Variants in DNAH17 observed in about 807,000 individuals in gnomAD.
DNAH17 encodes axonemal beta dynein heavy chain 17.
In DNAH17, 376 loss-of-function variants were observed where a neutral mutation model predicts 485.6. The ratio of observed to expected loss-of-function variants is 0.77; its 90% confidence interval spans 0.71 to 0.84. The LOEUF is 0.84. Among genes scored for constraint, DNAH17 ranks in the 40% least tolerant of loss-of-function variants. The pLI, the probability that DNAH17 is intolerant of heterozygous loss-of-function variation, is 0.00. For synonymous variants in DNAH17, 3,031 were observed against 2,405.9 expected (o/e 1.26, Z -7.60); for missense variants, 6,370 against 5,839.3 (o/e 1.09, Z -2.96).
At position 78,575,024 on chromosome 17, in the gene DNAH17, G is replaced by A; in HGVS notation, c.34C>T (p.Leu12=). Residue 12 remains leucine, a synonymous_variant, in exon 2 of 81, where the codon CTG becomes TTG. Transcript: ENST00000389840. The part of the protein sequence containing the change: ...TMAPDVRLEY[L]EEVASIVLKF... The stretch of plus-strand genomic sequence containing the variant: ...AGGACGATGGAGGCAACTTCCTCCA[G>A]ATACTCTAGTCTGACGTCCGGGGCC... 1 of 1,613,880 alleles carries A rather than the reference G, an allele frequency of 6.2e-7. No individual in the cohort carries two copies. Among genetic ancestry groups the A allele is most frequent in the Non-Finnish European group, 8.5e-7 (1 of 1,179,844 alleles).
In DNAH17 at chr17:78,569,464, G is replaced by C. The variant is rs563501310; in HGVS notation, c.1108C>G (p.Leu370Val). Residue 370 changes from leucine (L) to valine (V), a missense_variant, in exon 8 of 81, where the codon CTG becomes GTG. Leu to Val is a conservative substitution (Grantham distance 32). Coordinates refer to ENST00000389840, the MANE Select transcript of DNAH17 (RefSeq NM_173628.4). ...TTTACAGCCAGGGAGATGCCACTCA[G>C]GACTTCCTCGATTTCACCTTGCAGG... The part of the protein sequence containing the change: ...KGLQGEIEEV[L>V]SGISLAVNVL... 1.9e-6 allele frequency: 3 copies of C among 1,611,748 alleles called. No homozygotes were observed. The highest frequency in any genetic ancestry group is 2.2e-5 in the South Asian group (2 of 90,526).
intron 13 of DNAH17, among the ~76,000 whole-genome samples, chr17:78,560,359 A>G (rs2092125637): frequency 6.6e-6 from 1 of 152,134 alleles, no homozygotes; most frequent in Non-Finnish European, 1.5e-5. Flanking sequence ...TCCTCTGCTC[A>G]TCTGAACTTT....
At chr17:78,494,203 G>A in intron 40 of DNAH17, 30 bp from the exon 41 acceptor site, 1 of 1,591,536 alleles carries the variant, frequency 6.3e-7, no homozygotes, top group East Asian at 2.3e-5. Context: ...GCTGGGTGAG[G>A]AACTGAAGCA....
chr17:78,497,819 G>A (rs2146700816), intron 37 of DNAH17, among the ~76,000 whole-genome samples: 1 of 152,332 alleles, frequency 6.6e-6, no homozygotes, highest in East Asian at 1.9e-4. Context: ...TCACTGCCAA[G>A]CCGAGAGTCA....
intron 26 of DNAH17, among the ~76,000 whole-genome samples, chr17:78,513,396 G>T (rs73383687): frequency 0.09 from 13,745 of 152,166 alleles, 804 homozygotes; most frequent in East Asian, 0.21. Flanking sequence ...TCTTGTAGGG[G>T]AAATCTGCAT....
intron 44 of DNAH17, among the ~76,000 whole-genome samples, chr17:78,487,543 T>C (rs191259651): frequency 0.027 from 4,134 of 151,856 alleles, 188 homozygotes; most frequent in African/African-American, 0.094. Flanking sequence ...GACTCATTTT[T>C]TTTCTTCTTC....
At chr17:78,536,365 G>A (rs971667232) in intron 19 of DNAH17, among the ~76,000 whole-genome samples, 37 of 152,242 alleles carry the variant, frequency 2.4e-4, no homozygotes, top group Middle Eastern at 3.4e-3. Context: ...CAGGAGAATC[G>A]CTTGAACCCA....
chr17:78,561,723 G>T lies in DNAH17; in HGVS notation c.1827C>A (p.Val609=), dbSNP rs145822727. ...CCAGGGCTGTGACTCACGGGTGTTC[G>T]ACGTGCTTCAGGTGTTTCATGGACA... ...LEVSMKHLKH[V]EHPVMSGAEA... is the part of the protein sequence containing the mutation. Residue 609 remains valine (V), a synonymous_variant, in exon 12 of 81, where the codon GTC becomes GTA. Coordinates refer to ENST00000389840, the MANE Select transcript of DNAH17 (RefSeq NM_173628.4). The T allele has an allele frequency of 2.5e-6, 4 of 1,606,360 alleles. No homozygotes were observed. The highest frequency in any genetic ancestry group is 1.7e-6 in the Non-Finnish European group (2 of 1,175,402).
At chr17:78,572,612 G>T (rs185363396) in intron 3 of DNAH17, 89 bp downstream of exon 3, 1 of 1,187,764 alleles carries the variant, frequency 8.4e-7, no homozygotes, top group Non-Finnish European at 1.2e-6. Context: ...ACAACGGGTC[G>T]GAGTGGGGTG....
intron 37 of DNAH17, among the ~76,000 whole-genome samples, chr17:78,497,211 G>A (rs371030915): frequency 3.3e-4 from 51 of 152,286 alleles, no homozygotes; most frequent in African/African-American, 9.1e-4. Flanking sequence ...ATCAGGGGCC[G>A]TTGCCTGCTT....
chr17:78,475,427 G>A lies in DNAH17; in HGVS notation c.8362C>T (p.Arg2788Cys), dbSNP rs1445952853. 16 of 1,613,708 alleles carry A rather than the reference G, an allele frequency of 9.9e-6. No individual in the cohort carries two copies. The highest frequency in any genetic ancestry group is 1.3e-5 in the Non-Finnish European group (15 of 1,179,880). Residue 2788 changes from arginine to cysteine, a missense_variant, in exon 54 of 81, where the codon CGC (arginine) becomes TGC (cysteine). Physicochemically the swap from Arg to Cys is radical, Grantham distance 180 (BLOSUM62 -3). Coordinates refer to ENST00000389840, the MANE Select transcript of DNAH17 (RefSeq NM_173628.4). The stretch of plus-strand genomic sequence containing the variant: ...TTCCCCCGGGGAGACTCCAGGATGC[G>A]ATTAATCCTGCAGATGTGAGCCACG... Reference protein sequence around the residue: ...DAVAHICRINRILESPRGNAL... With the variant: ...DAVAHICRINCILESPRGNAL...
rs201499585 is a variant in DNAH17 at position 78,502,992 on chromosome 17, C to T, written c.4976G>A (p.Arg1659Gln). 2.4e-4 allele frequency: 382 copies of T among 1,613,674 alleles called. 1 individual carries two copies. In the African/African-American group the frequency reaches 3.6e-3, roughly 15 times the overall value. The change falls in exon 32 of 81, where the codon CGA becomes CAA. Residue 1659 changes from arginine to glutamine, a missense_variant. By Grantham distance (43) the Arg-to-Gln change is conservative. Transcript: ENST00000389840. ...GGTAGAGCACATTCGGTCCAGCACT[C>T]GATTCAGCCACACTTCCACCTGGGG... ...LSGQVEVWLN[R>Q]VLDRMCSTLR... is the part of the protein sequence containing the mutation.
At chr17:78,522,346 C>A in intron 25 of DNAH17, 1 of 281,900 alleles carries the variant, frequency 3.5e-6, no homozygotes, top group South Asian at 3.5e-5. Context: ...AGTTTCTACT[C>A]CTGAGCAAGA....
At chr17:78,437,592 C>A in intron 74 of DNAH17, 49 bp downstream of exon 74, 1 of 1,491,470 alleles carries the variant, frequency 6.7e-7, no homozygotes, top group South Asian at 1.3e-5. Context: ...GGATGGATGC[C>A]AGGCCGTGGC....
chr17:78,488,613 C>T (rs1309860833), intron 44 of DNAH17, among the ~76,000 whole-genome samples: 1 of 152,106 alleles, frequency 6.6e-6, no homozygotes, highest in Non-Finnish European at 1.5e-5. Flanking sequence ...CTGAAAACTC[C>T]CACACATGGT....
At chr17:78,501,539 T>C in intron 34 of DNAH17, 195 bp from the exon 35 acceptor site, 1 of 966,478 alleles carries the variant, frequency 1.0e-6, no homozygotes. Flanking sequence ...GCACTTCCAA[T>C]GGGCGGGCAC....
chr17:78,440,579 G>A (rs963383064), intron 72 of DNAH17, among the ~76,000 whole-genome samples: 6 of 151,920 alleles, frequency 3.9e-5, no homozygotes, highest in East Asian at 1.9e-4. Flanking sequence ...TTTTTTAATC[G>A]AGGGATACTA....
In DNAH17 at chr17:78,516,220, C is replaced by A. The variant is rs1411163659; in HGVS notation, c.3865-1198G>T. Among the ~76,000 whole-genome samples the A allele has an allele frequency of 2.0e-5, 3 of 152,200 alleles. No homozygotes were observed. The East Asian group carries it at 5.8e-4, about 29-fold the overall frequency. On this transcript the variant is annotated intron_variant, in intron 25 of 80. Transcript: ENST00000389840. ...CCTGCATCCTATTATCATAAAATGT[C>A]TTGGCTAGTGTGTTTTGGAGAGTTT... is the stretch of plus-strand genomic sequence containing the variant.
chr17:78,481,656 T>C (rs2089356560), intron 48 of DNAH17, among the ~76,000 whole-genome samples: 5 of 152,142 alleles, frequency 3.3e-5, no homozygotes, highest in Admixed American at 3.3e-4. Context: ...TGACATACAG[T>C]AAGTATGCAA....
Sources: allele counts gnomAD v4.1 joint callset (sites outside exome capture counted in the v4.1 genomes callset), GRCh38; gene constraint gnomAD v4.1.1; transcripts MANE v1.5; gene names NCBI Gene and HGNC (gene_info 2026-07-23, HGNC 2026-07-21).